The following ATRNL1 variants were observed in gnomAD, a reference collection of about 807,000 sequenced individuals.
ATRNL1 encodes the protein attractin like 1, also known as attractin-like protein 1.
A neutral mutation model predicts 182.7 loss-of-function variants in ATRNL1; 95 were observed. That is an observed-to-expected ratio of 0.52 (90% CI 0.44 to 0.62). ATRNL1 has a LOEUF of 0.62. Ranked by LOEUF, ATRNL1 falls within the 20% of genes least tolerant of loss-of-function variation. The pLI is 0.00. For missense variants in ATRNL1, 1,471 were observed against 1,679.5 expected, an observed-to-expected ratio of 0.88 and a Z score of 2.17; for synonymous variants, 576 against 568.3, an observed-to-expected ratio of 1.01 and a Z score of -0.19.
intron 28 of ATRNL1, among the ~76,000 whole-genome samples, chr10:115,869,964 C>CTTTTTTT (rs150345069): frequency 1.4e-5 from 1 of 71,690 alleles, no homozygotes; most frequent in African/African-American, 6.4e-5. Flanking sequence ...GTTCCCAGAC[C>CTTTTTTT]TTTTTTTTTT....
At chr10:115,453,289 G>A (rs543868957) in intron 21 of ATRNL1, among the ~76,000 whole-genome samples, 1 of 152,062 alleles carries the variant, frequency 6.6e-6, no homozygotes, top group Non-Finnish European at 1.5e-5. Context: ...TTTCATAATG[G>A]CAGCACCAAT....
intron 26 of ATRNL1, among the ~76,000 whole-genome samples, chr10:115,560,088 C>G (rs1554998859): frequency 6.6e-6 from 1 of 152,076 alleles, no homozygotes; most frequent in Non-Finnish European, 1.5e-5. Flanking sequence ...TATACATTAG[C>G]AATGAAAAAC....
chr10:115,536,768 T>G (rs996418753), intron 25 of ATRNL1, among the ~76,000 whole-genome samples: 1 of 151,992 alleles, frequency 6.6e-6, no homozygotes, highest in Non-Finnish European at 1.5e-5. Flanking sequence ...CTCCCAAAAA[T>G]AAGACATTTA....
chr10:115,543,209 G>T (rs572762031), intron 25 of ATRNL1, among the ~76,000 whole-genome samples: 8 of 152,114 alleles, frequency 5.3e-5, no homozygotes, highest in African/African-American at 1.9e-4. Context: ...ACCCTCAGAA[G>T]TTTGACCAAT....
chr10:115,554,333 G>A (rs1853184487), intron 26 of ATRNL1, among the ~76,000 whole-genome samples: 1 of 151,508 alleles, frequency 6.6e-6, no homozygotes, highest in Admixed American at 6.6e-5. Context: ...CATGCCTATT[G>A]CATTATCATA....
chr10:115,925,860 G>A (rs1285432559), intron 28 of ATRNL1, among the ~76,000 whole-genome samples: 1 of 152,128 alleles, frequency 6.6e-6, no homozygotes, highest in Non-Finnish European at 1.5e-5. Context: ...CAATGAGACA[G>A]AAAATTAGCA....
intron 19 of ATRNL1, among the ~76,000 whole-genome samples, chr10:115,367,600 T>G (rs1292019200): frequency 6.6e-6 from 1 of 151,834 alleles, no homozygotes; most frequent in Non-Finnish European, 1.5e-5. Flanking sequence ...GAACTCTGCC[T>G]TTTAGAGTTT....
At chr10:115,349,426 A>G (rs1564940273) in intron 19 of ATRNL1, among the ~76,000 whole-genome samples, 2 of 152,236 alleles carry the variant, frequency 1.3e-5, no homozygotes, top group African/African-American at 4.8e-5. Flanking sequence ...AATCATGGAT[A>G]TGCAGATATT....
intron 26 of ATRNL1, among the ~76,000 whole-genome samples, chr10:115,579,553 G>T (rs1423882863): frequency 6.6e-6 from 1 of 151,598 alleles, no homozygotes; most frequent in Non-Finnish European, 1.5e-5. Context: ...CTTTCTTTTG[G>T]TTTCCATTTG....
intron 21 of ATRNL1, among the ~76,000 whole-genome samples, chr10:115,429,135 T>G (rs1846034528): frequency 6.6e-6 from 1 of 152,086 alleles, no homozygotes; most frequent in African/African-American, 2.4e-5. Flanking sequence ...TTGAAAATGA[T>G]TTGCTGGGTG....
intron 20 of ATRNL1, among the ~76,000 whole-genome samples, chr10:115,422,687 T>TA (rs1386129262): frequency 1.3e-5 from 2 of 152,234 alleles, no homozygotes; most frequent in African/African-American, 4.8e-5. Flanking sequence ...CTTGCAGCTA[T>TA]AAAAAAAGAA....
intron 25 of ATRNL1, among the ~76,000 whole-genome samples, chr10:115,532,573 A>T (rs10444036): frequency 6.6e-6 from 1 of 150,870 alleles, no homozygotes; most frequent in African/African-American, 2.4e-5. Flanking sequence ...GTCTGCAAAC[A>T]GGGACAATTT....
rs1592346943 is a variant in ATRNL1, at chr10:115,264,333, G to T, written c.1688-860G>T. On this transcript the variant is annotated intron_variant, in intron 10 of 28. Coordinates refer to ENST00000355044, the MANE Select transcript of ATRNL1 (RefSeq NM_207303.4). ...ATTACTTTAACTTTTACAACTAACT[G>T]TACTTAAGATTATTTTCTTGTTCCA... Among the ~76,000 whole-genome samples, 3 of 151,472 alleles carry T rather than the reference G, an allele frequency of 2.0e-5. No individual in the cohort carries two copies. In the East Asian group the frequency reaches 5.8e-4, roughly 29 times the overall value.
chr10:115,296,353 A>G (rs1321753176), intron 15 of ATRNL1, among the ~76,000 whole-genome samples: 1 of 152,048 alleles, frequency 6.6e-6, no homozygotes, highest in Non-Finnish European at 1.5e-5. Context: ...CTCTTTATTC[A>G]TTGTCTCAAT....
At chr10:115,182,290 G>A (rs17092861) in intron 8 of ATRNL1, among the ~76,000 whole-genome samples, 5,111 of 151,464 alleles carry the variant, frequency 0.034, 119 homozygotes, top group Non-Finnish European at 0.054. Flanking sequence ...GATTAAAACT[G>A]ACAGAACAGA....
At chr10:115,123,533 C>T (rs539890198) in intron 3 of ATRNL1, among the ~76,000 whole-genome samples, 2 of 152,248 alleles carry the variant, frequency 1.3e-5, no homozygotes, top group South Asian at 4.1e-4. Context: ...GACTGTGTCA[C>T]AGGCTTAGAG....
intron 19 of ATRNL1, among the ~76,000 whole-genome samples, chr10:115,365,344 T>C (rs1856975946): frequency 6.6e-6 from 1 of 150,978 alleles, no homozygotes; most frequent in Non-Finnish European, 1.5e-5. Flanking sequence ...GTAGTTTGTA[T>C]TTCTGTGGGA....
chr10:115,316,119 C>T (rs58547104), intron 18 of ATRNL1, among the ~76,000 whole-genome samples: 3,141 of 152,240 alleles, frequency 0.021, 106 homozygotes, highest in African/African-American at 0.071. Flanking sequence ...ACCCCCAGCC[C>T]GGCAACAGGC....
At chr10:115,425,900 C>G (rs954269583) in intron 20 of ATRNL1, among the ~76,000 whole-genome samples, 35 of 152,006 alleles carry the variant, frequency 2.3e-4, no homozygotes, top group African/African-American at 8.5e-4. Context: ...AAAAATATCT[C>G]TGTATCTTAT....
Sources: allele counts gnomAD v4.1 joint callset (sites outside exome capture counted in the v4.1 genomes callset), GRCh38; gene constraint gnomAD v4.1.1; transcripts MANE v1.5; gene names NCBI Gene and HGNC (gene_info 2026-07-23, HGNC 2026-07-21).